Variants in SLC22A12 observed in about 807,000 individuals in gnomAD.
SLC22A12 encodes organic anion transporter 4-like protein.
Under a neutral mutation model 52.7 loss-of-function variants are expected in SLC22A12, and 56 were observed. The observed-to-expected ratio is 1.06, with a 90% CI of 0.86 to 1.33. SLC22A12 has a LOEUF of 1.33. Among genes scored for constraint, SLC22A12 ranks in the 40% most tolerant of loss-of-function variants. The pLI is 0.00. For missense variants in SLC22A12, 683 were observed against 741.5 expected, an observed-to-expected ratio of 0.92 and a Z score of 0.92; for synonymous variants, 337 against 324.6, an observed-to-expected ratio of 1.04 and a Z score of -0.41.
At chr11:64,593,951 T>C in intron 4 of SLC22A12, 148 bp downstream of exon 4, 1 of 1,244,730 alleles carries the variant, frequency 8.0e-7, no homozygotes, top group Admixed American at 2.0e-5. Context: ...CGTGGCAGAG[T>C]GTACCACCCA....
In SLC22A12 at chr11:64,600,467, T is replaced by C. The variant is rs770855938; in HGVS notation, c.1386T>C (p.Thr462=). 1 of 1,601,440 alleles carries C rather than the reference T, an allele frequency of 6.2e-7. No homozygotes were observed. The highest frequency in any genetic ancestry group is 8.5e-7 in the Non-Finnish European group (1 of 1,177,490). Residue 462 remains threonine (T), a synonymous_variant, in exon 8 of 10, where the codon ACT becomes ACC. Coordinates refer to ENST00000377574, the MANE Select transcript of SLC22A12 (RefSeq NM_144585.4). ...ITIYSSELFP[T]VLRMTAVGLG... ...TCTACAGCAGCGAGCTCTTCCCCACTGTGCTCAGGTGAGGCTGGGCCTGGG... is the reference window on the plus strand; with the variant it reads ...TCTACAGCAGCGAGCTCTTCCCCACCGTGCTCAGGTGAGGCTGGGCCTGGG...
chr11:64,598,369 C>T (rs1398170620), intron 4 of SLC22A12, 147 bp from the exon 5 acceptor site: 3 of 1,130,036 alleles, frequency 2.7e-6, no homozygotes, highest in Non-Finnish European at 3.9e-6. Flanking sequence ...CCCAAGAGGG[C>T]TTGGCTGCCA....
At chr11:64,592,123 C>A (rs563984037) in intron 1 of SLC22A12, among the ~76,000 whole-genome samples, 165 bp downstream of exon 1, 1 of 152,100 alleles carries the variant, frequency 6.6e-6, no homozygotes, top group African/African-American at 2.4e-5. Context: ...GGGAAGTGGG[C>A]GGCAGGGATC....
At chr11:64,595,077 TAGATGGATAGATGGAAA>T (rs1381170011) in intron 4 of SLC22A12, among the ~76,000 whole-genome samples, 8 of 120,974 alleles carry the variant, frequency 6.6e-5, no homozygotes, top group Middle Eastern at 6.4e-3. Context: ...GATGGATGGA[TAGATGGATAGATGGAAA>T]GGATGGATGG....
rs921395001 is a variant in SLC22A12, at chr11:64,602,219, C to G, written c.*668C>G. ...AGTTACAGCCACAAGCCTGCCTCCT[C>G]CCACCCTGCCAGCCTATGAGTTCCC... On this transcript the variant is annotated 3_prime_UTR_variant, in exon 10 of 10. Transcript: ENST00000377574. 1.2e-5 allele frequency: 2 copies of G among 168,184 alleles called. No individual in the cohort carries two copies. The highest frequency in any genetic ancestry group is 2.6e-5 in the Non-Finnish European group (2 of 77,392). The allele number at this position is 168,184 out of a possible 1,614,324, so 10.4% of individuals were successfully genotyped here. A position where few individuals can be genotyped will look rare whatever the true frequency, so the allele number is the denominator to read the frequency against.
chr11:64,596,624 C>T (rs1054862036), intron 4 of SLC22A12, among the ~76,000 whole-genome samples: 18 of 152,172 alleles, frequency 1.2e-4, no homozygotes, highest in African/African-American at 4.1e-4. Flanking sequence ...AGGCTGAGTC[C>T]ACAAATCTCT....
Position 64,593,690 on chromosome 11 carries a change from G to C in SLC22A12, c.717G>C (p.Leu239=). Residue 239 remains leucine (L), a synonymous_variant, in exon 4 of 10, where the codon CTG becomes CTC. Coordinates refer to ENST00000377574, the MANE Select transcript of SLC22A12 (RefSeq NM_144585.4). ...CCTTGGTGATGACCTTGAACTCTCT[G>C]GGCTTCAGCTTCGGCCATGGCCTGA... The part of the protein sequence containing the change: ...ARPLVMTLNS[L]GFSFGHGLTA... 1 of 1,614,168 alleles carries C rather than the reference G, an allele frequency of 6.2e-7. No individual in the cohort carries two copies. Among genetic ancestry groups the C allele is most frequent in the Non-Finnish European group, 8.5e-7 (1 of 1,180,040 alleles).
chr11:64,592,565 G>C (rs1356505640), intron 1 of SLC22A12, among the ~76,000 whole-genome samples: 2 of 152,154 alleles, frequency 1.3e-5, no homozygotes, highest in African/African-American at 4.8e-5. Flanking sequence ...AGCCATGGAA[G>C]AGTTCAGGCA....
At chr11:64,596,774 A>G (rs2039260241) in intron 4 of SLC22A12, among the ~76,000 whole-genome samples, 1 of 152,138 alleles carries the variant, frequency 6.6e-6, no homozygotes, top group South Asian at 2.1e-4. Flanking sequence ...GACTCCCAAC[A>G]CCAAGAGGGT....
At position 64,593,440 on chromosome 11, in the gene SLC22A12, T is replaced by G; in HGVS notation, c.542T>G (p.Leu181Arg). Residue 181 changes from leucine (L) to arginine (R), a missense_variant, in exon 3 of 10, where the codon CTT becomes CGT. Leu to Arg is a moderately radical substitution (Grantham distance 102). Transcript: ENST00000377574. ...GRRLVLTWSY[L>R]QMAVMGTAAA... ...AGGCTGGTGCTAACCTGGAGCTACC[T>G]TCAGATGGCTGTGATGGGTACGGCA... 6.2e-7 allele frequency: 1 copy of G among 1,614,180 alleles called. No homozygotes were observed. Among genetic ancestry groups the G allele is most frequent in the Non-Finnish European group, 8.5e-7 (1 of 1,180,050 alleles).
At position 64,593,770 on chromosome 11, in the gene SLC22A12, C is replaced by T. The variant is rs766189535; in HGVS notation, c.797C>T (p.Ser266Leu). ...RDWTLLQLVV[S>L]VPFFLCFLYS... ...TGGACACTGCTGCAGCTGGTGGTCT[C>T]GGTCCCCTTCTTCCTCTGCTTTTTG... Residue 266 changes from serine (S) to leucine (L), a missense_variant, in exon 4 of 10, where the codon TCG becomes TTG. Transcript: ENST00000377574. 8.1e-6 allele frequency: 13 copies of T among 1,610,788 alleles called. No individual in the cohort carries two copies. Among genetic ancestry groups the T allele is most frequent in the East Asian group, 2.2e-5 (1 of 44,872 alleles).
chr11:64,596,253 T>TGGATGAATGGAATTGATGGATGGATG (rs2039222132), intron 4 of SLC22A12, among the ~76,000 whole-genome samples: 1 of 115,328 alleles, frequency 8.7e-6, no homozygotes, highest in Admixed American at 8.4e-5. Context: ...ATGGAATGGA[T>TGGATGAATGGAATTGATGGATGGATG]GGATGGATGG....
At chr11:64,595,559 G>GA (rs2039144014) in intron 4 of SLC22A12, among the ~76,000 whole-genome samples, 2 of 136,928 alleles carry the variant, frequency 1.5e-5, no homozygotes, top group African/African-American at 2.6e-5. Flanking sequence ...TGGATGGATG[G>GA]TTGGAATGGA....
chr11:64,595,230 AT>A (rs2039102113), intron 4 of SLC22A12, among the ~76,000 whole-genome samples: 1 of 119,674 alleles, frequency 8.4e-6, no homozygotes, highest in Non-Finnish European at 1.7e-5. Context: ...GGATGGATGG[AT>A]GGATGGATGG....
intron 4 of SLC22A12, among the ~76,000 whole-genome samples, chr11:64,595,414 GATGT>G (rs1432867499): frequency 8.5e-5 from 11 of 128,774 alleles, no homozygotes; most frequent in East Asian, 2.7e-4. Flanking sequence ...TGGATGGATG[GATGT>G]TTGGAATAGA....
In SLC22A12 at chr11:64,598,914, C is replaced by G; in HGVS notation, c.1061C>G (p.Thr354Arg). The G allele has an allele frequency of 6.2e-7, 1 of 1,612,834 alleles. No individual in the cohort carries two copies. Among genetic ancestry groups the G allele is most frequent in the Non-Finnish European group, 8.5e-7 (1 of 1,179,974 alleles). The change falls in exon 6 of 10, where the codon ACG becomes AGG. Residue 354 changes from threonine (T) to arginine (R), a missense_variant. By Grantham distance (71) the Thr-to-Arg change is moderately conservative. Coordinates refer to ENST00000377574, the MANE Select transcript of SLC22A12 (RefSeq NM_144585.4). ...PGLRFRTCIS[T>R]LCWFAFGFTF... ...CTGCGCTTCCGGACCTGTATCTCCACGTTGTGCTGGTAGATGCCCTTCCCC... is the reference window on the plus strand; with the variant it reads ...CTGCGCTTCCGGACCTGTATCTCCAGGTTGTGCTGGTAGATGCCCTTCCCC...
At chr11:64,592,044 C>A in intron 1 of SLC22A12, 86 bp downstream of exon 1, 1 of 1,545,372 alleles carries the variant, frequency 6.5e-7, no homozygotes, top group East Asian at 2.4e-5. Flanking sequence ...AGGTCCAGTC[C>A]TGGGAGGGAC....
At chr11:64,600,265 C>A in intron 7 of SLC22A12, 102 bp from the exon 8 acceptor site, 1 of 940,880 alleles carries the variant, frequency 1.1e-6, no homozygotes, top group Non-Finnish European at 1.7e-6. Context: ...CAAACATTTA[C>A]AAAGAGGCCT....
rs3825018 is a variant in SLC22A12, at chr11:64,591,337, G to A, written c.-220G>A. On this transcript the variant is annotated 5_prime_UTR_variant, in exon 1 of 10. Transcript: ENST00000377574. ...GCTGGAGGTCTCGGAATCACCTCACGCGGCCTCAGGGCCCAGTTGGAGCCA... is the reference window on the plus strand; with the variant it reads ...GCTGGAGGTCTCGGAATCACCTCACACGGCCTCAGGGCCCAGTTGGAGCCA... The A allele has an allele frequency of 0.6, 361,986 of 607,996 alleles. 117,656 individuals carry two copies. The highest frequency in any genetic ancestry group is 0.7 in the Non-Finnish European group (245,124 of 349,378). The allele number at this position is 607,996 out of a possible 1,614,324, so 37.7% of individuals were successfully genotyped here.
Sources: gnomAD v4.1 joint callset for allele counts (sites outside exome capture counted in the v4.1 genomes callset) on GRCh38, gnomAD v4.1.1 for gene constraint, MANE v1.5 for transcripts, NCBI Gene and HGNC (gene_info 2026-07-23, HGNC 2026-07-21) for gene names.